The following ARHGAP22 variants were observed in gnomAD, a reference collection of about 807,000 sequenced individuals.
The protein encoded by ARHGAP22 is Rho GTPase activating protein 22.
In ARHGAP22, 48 loss-of-function variants were observed where a neutral mutation model predicts 59.1. That is an observed-to-expected ratio of 0.81 (90% CI 0.64 to 1.03). The LOEUF is 1.03. Ranked by LOEUF, ARHGAP22 falls within the 50% of genes least tolerant of loss-of-function variation. ARHGAP22 has a pLI of 0.00. For missense variants in ARHGAP22, 1,015 were observed against 958.7 expected (o/e 1.06, Z -0.78); for synonymous variants, 445 against 416.4 (o/e 1.07, Z -0.84).
At chr10:48,632,024 A>T (rs1238623029) in intron 1 of ARHGAP22, among the ~76,000 whole-genome samples, 2 of 152,182 alleles carry the variant, frequency 1.3e-5, no homozygotes, top group East Asian at 3.8e-4. Context: ...GGTTACATGG[A>T]TGAATTCTAT....
intron 2 of ARHGAP22, among the ~76,000 whole-genome samples, chr10:48,564,674 G>T (rs1434327360): frequency 6.6e-5 from 10 of 152,346 alleles, no homozygotes; most frequent in African/African-American, 2.2e-4. Context: ...CTGGGGCCAG[G>T]CCAGCCTGCA....
intron 5 of ARHGAP22, among the ~76,000 whole-genome samples, chr10:48,457,072 G>A (rs1474832391): frequency 2.0e-5 from 3 of 152,042 alleles, no homozygotes; most frequent in Admixed American, 2.0e-4. Context: ...GGGACGAGGT[G>A]CCTGCCCTGG....
chr10:48,479,477 C>T (rs1283716269), intron 4 of ARHGAP22, 159 bp downstream of exon 4: 30 of 1,386,672 alleles, frequency 2.2e-5, no homozygotes, highest in Non-Finnish European at 2.9e-5. Flanking sequence ...GGGTGACTCC[C>T]GAGGGCTGGC....
intron 1 of ARHGAP22, among the ~76,000 whole-genome samples, chr10:48,645,408 A>G (rs1442526445): frequency 6.6e-6 from 1 of 152,236 alleles, no homozygotes; most frequent in East Asian, 1.9e-4. Flanking sequence ...TATAAAAAGG[A>G]TTATACACCA....
chr10:48,579,779 C>T (rs527256550), intron 2 of ARHGAP22, among the ~76,000 whole-genome samples: 16 of 151,554 alleles, frequency 1.1e-4, no homozygotes, highest in East Asian at 1.9e-4. Context: ...GAGTGCTGAC[C>T]GCCTGGGCCC....
intron 2 of ARHGAP22, among the ~76,000 whole-genome samples, chr10:48,571,865 T>C (rs1361272017): frequency 1.1e-4 from 17 of 152,182 alleles, no homozygotes; most frequent in Admixed American, 1.1e-3. Flanking sequence ...CTCATCATTC[T>C]GTGGTCCATT....
chr10:48,625,693 TACACACACACACACACACACACACAC>T (rs56897057), intron 1 of ARHGAP22, among the ~76,000 whole-genome samples: 1 of 138,880 alleles, frequency 7.2e-6, no homozygotes, highest in African/African-American at 2.7e-5. Context: ...CTGCAACGTG[TACACACACACACACACACACACACAC>T]ACACACACAC....
chr10:48,565,246 C>T (rs2057974848), intron 2 of ARHGAP22, among the ~76,000 whole-genome samples: 1 of 152,142 alleles, frequency 6.6e-6, no homozygotes, highest in South Asian at 2.1e-4. Flanking sequence ...AGTGGCATCT[C>T]CCTCACAGAT....
intron 3 of ARHGAP22, among the ~76,000 whole-genome samples, chr10:48,528,474 G>A (rs999991847): frequency 1.6e-4 from 25 of 152,204 alleles, no homozygotes; most frequent in Admixed American, 6.5e-5. Context: ...TGCCCCGGGA[G>A]CTGTAGGGGA....
intron 4 of ARHGAP22, among the ~76,000 whole-genome samples, chr10:48,476,569 T>A (rs1347613896): frequency 6.6e-6 from 1 of 152,192 alleles, no homozygotes; most frequent in Non-Finnish European, 1.5e-5. Context: ...CCCAGACACG[T>A]CTGGCATCGC....
At chr10:48,546,040 C>T (rs2056405812) in intron 3 of ARHGAP22, among the ~76,000 whole-genome samples, 1 of 152,204 alleles carries the variant, frequency 6.6e-6, no homozygotes, top group African/African-American at 2.4e-5. Context: ...TTAAACAGGC[C>T]CCCAAGGCAG....
chr10:48,527,561 C>G (rs2054447447), intron 3 of ARHGAP22, among the ~76,000 whole-genome samples: 1 of 151,988 alleles, frequency 6.6e-6, no homozygotes, highest in Non-Finnish European at 1.5e-5. Flanking sequence ...GGATGTGTTC[C>G]ATAGGTGAAC....
downstream of ARHGAP22, chr10:48,444,719 G>A (rs1012199965): frequency 2.6e-5 from 4 of 152,192 alleles, no homozygotes; most frequent in Non-Finnish European, 5.9e-5. Flanking sequence ...ACTCAACAGG[G>A]TCATCAGGAC....
chr10:48,540,150 A>G (rs1272543297), intron 3 of ARHGAP22, among the ~76,000 whole-genome samples: 2 of 152,216 alleles, frequency 1.3e-5, no homozygotes, highest in African/African-American at 4.8e-5. Context: ...CAGCCAATAC[A>G]TAATAACCAT....
At chr10:48,462,010 A>G (rs2047179456) in intron 4 of ARHGAP22, among the ~76,000 whole-genome samples, 1 of 152,190 alleles carries the variant, frequency 6.6e-6, no homozygotes, top group Non-Finnish European at 1.5e-5. Context: ...GCTTGACCCA[A>G]AAACAAAGTG....
At chr10:48,593,428 C>T (rs1160305059) in intron 1 of ARHGAP22, among the ~76,000 whole-genome samples, 1 of 152,204 alleles carries the variant, frequency 6.6e-6, no homozygotes, top group East Asian at 1.9e-4. Context: ...TAGTACTGAA[C>T]CCTGTATACA....
intron 3 of ARHGAP22, among the ~76,000 whole-genome samples, chr10:48,518,543 A>G (rs1376561640): frequency 6.6e-6 from 1 of 152,248 alleles, no homozygotes; most frequent in Non-Finnish European, 1.5e-5. Flanking sequence ...GACTTCAGGC[A>G]GAGAGAAATG....
Position 48,514,407 on chromosome 10 carries a change from C to T in ARHGAP22, c.323-34643G>A, listed in dbSNP as rs188805145. On this transcript the variant is annotated intron_variant, in intron 3 of 9. Coordinates refer to ENST00000249601, the MANE Select transcript of ARHGAP22 (RefSeq NM_021226.4). Reference sequence around the variant, plus strand: ...TAACAGTTGACTTCTCATCAGAAACCATGGAAACCAGAAGGCAACAGAACA... The same window carrying T: ...TAACAGTTGACTTCTCATCAGAAACTATGGAAACCAGAAGGCAACAGAACA... 2.4e-3 allele frequency among the ~76,000 whole-genome samples: 368 copies of T among 152,132 alleles called. 5 individuals carry two copies. The highest frequency in any genetic ancestry group is 8.6e-3 in the African/African-American group (355 of 41,516).
chr10:48,557,674 CAAG>C (rs1163768274), intron 2 of ARHGAP22, among the ~76,000 whole-genome samples: 1 of 152,214 alleles, frequency 6.6e-6, no homozygotes, highest in Non-Finnish European at 1.5e-5. Context: ...ACTTTGTTTG[CAAG>C]AAGCCACCGT....
Sources: gnomAD v4.1 joint callset for allele counts (sites outside exome capture counted in the v4.1 genomes callset) on GRCh38, gnomAD v4.1.1 for gene constraint, MANE v1.5 for transcripts, NCBI Gene and HGNC (gene_info 2026-07-23, HGNC 2026-07-21) for gene names.